Variants in HSPA12A observed in about 807,000 individuals in gnomAD.
HSPA12A encodes the protein heat shock protein family A (Hsp70) member 12A.
In HSPA12A, 28 loss-of-function variants were observed where a neutral mutation model predicts 69.2. That is an observed-to-expected ratio of 0.40 (90% CI 0.30 to 0.55). The LOEUF (loss-of-function observed/expected upper bound fraction) is 0.55. Among genes scored for constraint, HSPA12A ranks in the 20% least tolerant of loss-of-function variants. The pLI is 0.38. For synonymous variants in HSPA12A, 345 were observed against 370.5 expected, an observed-to-expected ratio of 0.93 and a Z score of 0.79; for missense variants, 686 against 900.7, an observed-to-expected ratio of 0.76 and a Z score of 3.05.
At chr10:116,828,910 G>A (rs1845559928) in intron 2 of HSPA12A, 2 of 152,172 alleles carry the variant, frequency 1.3e-5, no homozygotes, top group Non-Finnish European at 1.5e-5. Flanking sequence ...TCAGCTCTGC[G>A]ATTTGTATCA....
At chr10:116,691,002 G>A (rs531274653) in intron 6 of HSPA12A, among the ~76,000 whole-genome samples, 5 of 152,336 alleles carry the variant, frequency 3.3e-5, no homozygotes, top group African/African-American at 1.2e-4. Context: ...CCGGAAGGCT[G>A]ACACTATGGA....
chr10:116,705,028 A>T, intron 3 of HSPA12A, 123 bp downstream of exon 3: 2 of 1,210,682 alleles, frequency 1.7e-6, no homozygotes, highest in Non-Finnish European at 2.3e-6. Context: ...GGTGAGCTTG[A>T]GCCAAGCTGG....
At chr10:116,728,139 C>T (rs1665646) in intron 1 of HSPA12A, among the ~76,000 whole-genome samples, 101,013 of 151,480 alleles carry the variant, frequency 0.67, 34,612 homozygotes, top group Middle Eastern at 0.86. Flanking sequence ...GACAGGACTT[C>T]ACCATGTTGG....
At chr10:116,740,717 TA>T (rs1338170820) in intron 1 of HSPA12A, among the ~76,000 whole-genome samples, 2 of 148,258 alleles carry the variant, frequency 1.3e-5, no homozygotes, top group African/African-American at 2.5e-5. Context: ...TGTGTTAGGA[TA>T]GGGGTGCTGA....
chr10:116,786,076 T>C (rs1844569741), intron 2 of HSPA12A, among the ~76,000 whole-genome samples: 1 of 152,160 alleles, frequency 6.6e-6, no homozygotes, highest in African/African-American at 2.4e-5. Context: ...GGTTCACCTA[T>C]GAGGTTAGCG....
In HSPA12A at chr10:116,678,348, C is replaced by CAAAAAAAAA. The variant is rs55780024; in HGVS notation, c.1286+1146_1286+1154dup. On this transcript the variant is annotated intron_variant, in intron 10 of 11. Transcript: ENST00000369209. ...ACCTCTAAGTCCATCTGCCAACTTG[C>CAAAAAAAAA]AAAAAAAAAAAAAAAAAAAAAAAAG... 2.2e-4 allele frequency among the ~76,000 whole-genome samples: 13 copies of CAAAAAAAAA among 59,370 alleles called. 1 individual carries two copies. The highest frequency in any genetic ancestry group is 9.3e-4 in the South Asian group (1 of 1,074). The allele number at this position is 59,370 out of a possible 152,430, so 38.9% of individuals were successfully genotyped here.
intron 1 of HSPA12A, among the ~76,000 whole-genome samples, chr10:116,713,299 T>C (rs1554883401): frequency 6.6e-6 from 1 of 152,126 alleles, no homozygotes; most frequent in African/African-American, 2.4e-5. Flanking sequence ...AAATAATTTA[T>C]GGGCTGTTTT....
intron 6 of HSPA12A, among the ~76,000 whole-genome samples, chr10:116,684,584 A>G (rs145884017): frequency 6.6e-6 from 1 of 152,172 alleles, no homozygotes. Flanking sequence ...GTGACAGATA[A>G]GCAGTGGCTC....
intron 1 of HSPA12A, among the ~76,000 whole-genome samples, chr10:116,724,905 GC>G (rs1368798281): frequency 6.6e-6 from 1 of 152,116 alleles, no homozygotes; most frequent in Non-Finnish European, 1.5e-5. Context: ...TGACCACCTG[GC>G]CCCCAGACCC....
chr10:116,849,562 C>T (rs952172927), intron 1 of HSPA12A: 3 of 1,534,084 alleles, frequency 2.0e-6, no homozygotes, highest in East Asian at 4.9e-5. Context: ...CTTAAATCTC[C>T]TACCATGGAG....
intron 1 of HSPA12A, among the ~76,000 whole-genome samples, chr10:116,731,437 C>T (rs1417165085): frequency 1.3e-5 from 2 of 152,188 alleles, no homozygotes; most frequent in Non-Finnish European, 2.9e-5. Context: ...TGACCACGGT[C>T]CCTTCAAATG....
upstream of HSPA12A, among the ~76,000 whole-genome samples, chr10:116,744,131 C>G (rs1851593715): frequency 6.6e-6 from 1 of 152,234 alleles, no homozygotes; most frequent in Non-Finnish European, 1.5e-5. Context: ...TGTCCCCACC[C>G]TACTCCAGCT....
At chr10:116,843,717 C>T (rs10886014) in intron 1 of HSPA12A, among the ~76,000 whole-genome samples, 57,719 of 151,942 alleles carry the variant, frequency 0.38, 12,268 homozygotes, top group Non-Finnish European at 0.49. Context: ...TTTGGAGCAG[C>T]GGTTTGCAAC....
At chr10:116,698,949 C>T (rs1849999028) in intron 4 of HSPA12A, among the ~76,000 whole-genome samples, 1 of 152,130 alleles carries the variant, frequency 6.6e-6, no homozygotes, top group African/African-American at 2.4e-5. Flanking sequence ...CTGGCTGTCC[C>T]CTCCAGGCCC....
At chr10:116,750,345 G>A in intron 2 of HSPA12A, 8 of 745,598 alleles carry the variant, frequency 1.1e-5, no homozygotes, top group Non-Finnish European at 1.7e-5. Context: ...TTGGATGCAG[G>A]CCTTGCCAAA....
At chr10:116,783,737 A>T (rs1844515320) in intron 2 of HSPA12A, among the ~76,000 whole-genome samples, 1 of 152,208 alleles carries the variant, frequency 6.6e-6, no homozygotes, top group Admixed American at 6.5e-5. Flanking sequence ...TTTTTGAGAC[A>T]GAGTCTCACT....
intron 5 of HSPA12A, among the ~76,000 whole-genome samples, chr10:116,694,475 T>C (rs2907231): frequency 0.52 from 79,730 of 152,022 alleles, 21,314 homozygotes; most frequent in Middle Eastern, 0.65. Flanking sequence ...TCTCTCTGGC[T>C]GAGCTGAGGA....
At chr10:116,730,105 C>T (rs782317599) in intron 1 of HSPA12A, among the ~76,000 whole-genome samples, 6 of 152,192 alleles carry the variant, frequency 3.9e-5, no homozygotes, top group Non-Finnish European at 8.8e-5. Context: ...ATCGCTTGAA[C>T]CCTGGAGGCA....
At chr10:116,788,215 T>C (rs1844621645) in intron 2 of HSPA12A, among the ~76,000 whole-genome samples, 1 of 152,146 alleles carries the variant, frequency 6.6e-6, no homozygotes, top group Non-Finnish European at 1.5e-5. Flanking sequence ...GAGGCGGCCG[T>C]GCGCACAACA....
Sources: allele counts gnomAD v4.1 joint callset (sites outside exome capture counted in the v4.1 genomes callset), GRCh38; gene constraint gnomAD v4.1.1; transcripts MANE v1.5; gene names NCBI Gene and HGNC (gene_info 2026-07-23, HGNC 2026-07-21).